ATRNL1: variants seen among roughly 807,000 people sequenced by gnomAD.
The protein encoded by ATRNL1 is attractin like 1, also known as attractin-like protein 1.
A neutral mutation model predicts 182.7 loss-of-function variants in ATRNL1; 95 were observed. That is an observed-to-expected ratio of 0.52 (90% CI 0.44 to 0.62). The LOEUF (loss-of-function observed/expected upper bound fraction) is 0.62. Among genes scored for constraint, ATRNL1 ranks in the 20% least tolerant of loss-of-function variants. The pLI is 0.00. For missense variants in ATRNL1, 1,471 were observed against 1,679.5 expected, an observed-to-expected ratio of 0.88 and a Z score of 2.17; for synonymous variants, 576 against 568.3, an observed-to-expected ratio of 1.01 and a Z score of -0.19.
chr10:115,355,367 C>A (rs1159015387), intron 19 of ATRNL1, among the ~76,000 whole-genome samples: 1 of 152,082 alleles, frequency 6.6e-6, no homozygotes, highest in Non-Finnish European at 1.5e-5. Context: ...CTAGAGGGAG[C>A]CCTAAGCCCA....
intron 24 of ATRNL1, among the ~76,000 whole-genome samples, chr10:115,517,341 T>A (rs1342959645): frequency 6.6e-6 from 1 of 151,958 alleles, no homozygotes; most frequent in African/African-American, 2.4e-5. Flanking sequence ...TTGGTTTATA[T>A]GTTTTATTGT....
In ATRNL1 at chr10:115,274,908, A is replaced by G. The variant is rs917546375; in HGVS notation, c.2101-6447A>G. On this transcript the variant is annotated intron_variant, in intron 13 of 28. Coordinates refer to ENST00000355044, the MANE Select transcript of ATRNL1 (RefSeq NM_207303.4). ...TTGGTATTACCACTCGGTTAAGCTT[A>G]TGATAATTCACTGTTATTCTCCAAA... Among the ~76,000 whole-genome samples, 3 of 152,222 alleles carry G rather than the reference A, an allele frequency of 2.0e-5. No homozygotes were observed. The East Asian group carries it at 5.8e-4, about 29-fold the overall frequency.
chr10:115,408,132 T>C (rs1181914738), intron 20 of ATRNL1, among the ~76,000 whole-genome samples: 1 of 151,186 alleles, frequency 6.6e-6, no homozygotes, highest in African/African-American at 2.4e-5. Flanking sequence ...GCCTCCCGAG[T>C]AGCCGGGACT....
At chr10:115,348,671 A>G (rs1372502068) in intron 19 of ATRNL1, among the ~76,000 whole-genome samples, 3 of 152,300 alleles carry the variant, frequency 2.0e-5, no homozygotes, top group South Asian at 2.1e-4. Context: ...AATAAATGCA[A>G]GGAACAATGT....
intron 24 of ATRNL1, among the ~76,000 whole-genome samples, chr10:115,477,435 A>G (rs1006010429): frequency 1.9e-4 from 29 of 151,568 alleles, no homozygotes; most frequent in African/African-American, 6.8e-4. Context: ...ATGAAATCTC[A>G]TGATTTCTCC....
intron 5 of ATRNL1, among the ~76,000 whole-genome samples, chr10:115,134,014 C>G (rs10885657): frequency 0.31 from 46,791 of 150,240 alleles, 7,334 homozygotes; most frequent in African/African-American, 0.37. Flanking sequence ...CAAAGACACA[C>G]AATCTCTGGG....
At position 115,418,206 on chromosome 10, in the gene ATRNL1, A is replaced by G. The variant is rs192878127; in HGVS notation, c.3270-8044A>G. Among the ~76,000 whole-genome samples, 94 of 152,336 alleles carry G rather than the reference A, an allele frequency of 6.2e-4. 1 individual carries two copies. Among genetic ancestry groups the G allele is most frequent in the Admixed American group, 2.6e-4 (4 of 15,312 alleles). ...AGTAAAATTCAGAGAAGCAATCAGA[A>G]ATACATGAACAAAACTTAAGAGATT... On this transcript the variant is annotated intron_variant, in intron 20 of 28. Coordinates refer to ENST00000355044, the MANE Select transcript of ATRNL1 (RefSeq NM_207303.4).
At chr10:115,175,084 C>A (rs1321635591) in intron 8 of ATRNL1, among the ~76,000 whole-genome samples, 1 of 151,970 alleles carries the variant, frequency 6.6e-6, no homozygotes, top group African/African-American at 2.4e-5. Flanking sequence ...ACTCTCTAAT[C>A]TTATACCTAC....
intron 2 of ATRNL1, 89 bp downstream of exon 2, chr10:115,120,357 A>T (rs1159621263): frequency 3.0e-6 from 2 of 664,330 alleles, no homozygotes; most frequent in Non-Finnish European, 4.9e-6. Flanking sequence ...GAGTATAATT[A>T]CTTTATCATT....
chr10:115,431,776 T>C (rs1846178343), intron 21 of ATRNL1, among the ~76,000 whole-genome samples: 1 of 152,144 alleles, frequency 6.6e-6, no homozygotes, highest in South Asian at 2.1e-4. Context: ...ATTCTCTAGC[T>C]TTTCCACATC....
chr10:115,510,582 A>G (rs556387157), intron 24 of ATRNL1, among the ~76,000 whole-genome samples: 1 of 152,138 alleles, frequency 6.6e-6, no homozygotes, highest in South Asian at 2.1e-4. Flanking sequence ...TGCACATTTA[A>G]TAGGCTACAG....
At chr10:115,423,671 C>T (rs544464701) in intron 20 of ATRNL1, among the ~76,000 whole-genome samples, 14 of 152,008 alleles carry the variant, frequency 9.2e-5, no homozygotes, top group South Asian at 4.2e-4. Flanking sequence ...CAAGAATACA[C>T]GTTAGGGAGA....
intron 27 of ATRNL1, among the ~76,000 whole-genome samples, chr10:115,747,694 A>T (rs1367109415): frequency 6.6e-6 from 1 of 151,994 alleles, no homozygotes. Context: ...CCAACTAGTG[A>T]GAGGTGTGTT....
At chr10:115,416,286 C>T (rs575974140) in intron 20 of ATRNL1, among the ~76,000 whole-genome samples, 218 of 152,098 alleles carry the variant, frequency 1.4e-3, no homozygotes, top group Non-Finnish European at 2.4e-3. Flanking sequence ...ATTTCATTAG[C>T]TTTTTGGAGG....
intron 18 of ATRNL1, among the ~76,000 whole-genome samples, chr10:115,318,503 GA>G (rs781850106): frequency 4.6e-5 from 7 of 152,138 alleles, no homozygotes; most frequent in Non-Finnish European, 1.0e-4. Flanking sequence ...ATTTGGCTGT[GA>G]ATCTGTCTGG....
At chr10:115,836,214 A>G (rs782007956) in intron 27 of ATRNL1, among the ~76,000 whole-genome samples, 39 of 152,144 alleles carry the variant, frequency 2.6e-4, no homozygotes, top group Non-Finnish European at 3.8e-4. Context: ...ATATGTAGCT[A>G]GTTTCTCAAG....
intron 17 of ATRNL1, among the ~76,000 whole-genome samples, chr10:115,304,673 C>G (rs1825385103): frequency 1.3e-5 from 2 of 152,238 alleles, no homozygotes; most frequent in East Asian, 3.9e-4. Flanking sequence ...GGCTTTCATT[C>G]AGGTAGCCCT....
At chr10:115,933,155 AAAAC>A (rs1169541180) in intron 28 of ATRNL1, among the ~76,000 whole-genome samples, 14 of 152,242 alleles carry the variant, frequency 9.2e-5, no homozygotes, top group African/African-American at 2.4e-4. Flanking sequence ...AGTAAATTTT[AAAAC>A]AAACAAACAA....
intron 27 of ATRNL1, among the ~76,000 whole-genome samples, chr10:115,745,761 C>T (rs1029464932): frequency 1.3e-5 from 2 of 152,078 alleles, no homozygotes; most frequent in African/African-American, 4.8e-5. Context: ...TTTGAAGAGA[C>T]GTAAATTAAT....
Sources: allele counts gnomAD v4.1 joint callset (sites outside exome capture counted in the v4.1 genomes callset), GRCh38; gene constraint gnomAD v4.1.1; transcripts MANE v1.5; gene names NCBI Gene and HGNC (gene_info 2026-07-23, HGNC 2026-07-21).